The following FAM110B variants were observed in gnomAD, a reference collection of about 807,000 sequenced individuals.
The protein encoded by FAM110B is protein FAM110B.
In FAM110B, 6 loss-of-function variants were observed where a neutral mutation model predicts 20.4. The observed-to-expected ratio is 0.29, with a 90% CI of 0.16 to 0.58. The LOEUF (loss-of-function observed/expected upper bound fraction) is 0.58. FAM110B is among the 20% of genes least tolerant of loss of function. The pLI is 0.90. For missense variants in FAM110B, 434 were observed against 498.2 expected (o/e 0.87, Z 1.23); for synonymous variants, 226 against 214.1 (o/e 1.06, Z -0.49).
intron 3 of FAM110B, among the ~76,000 whole-genome samples, chr8:58,123,758 A>T (rs996547753): frequency 3.9e-5 from 6 of 152,218 alleles, no homozygotes; most frequent in Non-Finnish European, 8.8e-5. Context: ...ATAAATACTC[A>T]TCGAGAAAAA....
chr8:57,997,360 T>C (rs1237603541), intron 1 of FAM110B, among the ~76,000 whole-genome samples: 1 of 152,272 alleles, frequency 6.6e-6, no homozygotes, highest in African/African-American at 2.4e-5. Context: ...TGGCCATTTT[T>C]CTGTCTGAAA....
Position 58,145,726 on chromosome 8 carries a change from C to T in FAM110B, c.-324-181C>T, listed in dbSNP as rs552888507. 8.1e-4 allele frequency among the ~76,000 whole-genome samples: 123 copies of T among 152,368 alleles called. 1 individual carries two copies. The highest frequency in any genetic ancestry group is 1.6e-3 in the Non-Finnish European group (106 of 68,034). On this transcript the variant is annotated intron_variant, in intron 3 of 3. Coordinates refer to ENST00000519262, the MANE Select transcript of FAM110B (RefSeq NM_001377989.1). ...AGCGTTGTGCTGCCGCGCGTCGGCG[C>T]AGGCGGGGGCGCAAGGCCCGGGTCG...
intron 2 of FAM110B, among the ~76,000 whole-genome samples, chr8:58,041,599 G>T (rs910559063): frequency 6.6e-6 from 1 of 152,200 alleles, no homozygotes; most frequent in African/African-American, 2.4e-5. Flanking sequence ...CATAACACAT[G>T]GGGAGTCTTG....
chr8:58,096,675 G>A (rs1806640314), intron 3 of FAM110B, among the ~76,000 whole-genome samples: 1 of 152,204 alleles, frequency 6.6e-6, no homozygotes, highest in African/African-American at 2.4e-5. Flanking sequence ...TGCAGTTGCT[G>A]GTACTGGTTG....
At chr8:58,008,026 C>A (rs1358727427) in intron 1 of FAM110B, among the ~76,000 whole-genome samples, 1 of 151,294 alleles carries the variant, frequency 6.6e-6, no homozygotes, top group Non-Finnish European at 1.5e-5. Context: ...AATATAGCTA[C>A]AAGCAAGGCA....
chr8:58,136,755 A>G (rs996869055), intron 3 of FAM110B, among the ~76,000 whole-genome samples: 5 of 152,096 alleles, frequency 3.3e-5, no homozygotes, highest in Admixed American at 2.6e-4. Flanking sequence ...GAAATGTGAA[A>G]TTTTTTTCTG....
intron 3 of FAM110B, among the ~76,000 whole-genome samples, chr8:58,088,250 C>T (rs1353106766): frequency 6.6e-6 from 1 of 152,130 alleles, no homozygotes; most frequent in African/African-American, 2.4e-5. Context: ...CTCCATTGAA[C>T]TTTATTTTGC....
intron 3 of FAM110B, chr8:58,099,040 A>G (rs1563369598): frequency 6.6e-6 from 1 of 152,128 alleles, no homozygotes; most frequent in African/African-American, 2.4e-5. Context: ...GACAGGATAC[A>G]TTCTTGTTCA....
At chr8:58,040,092 TCCTC>T (rs1217607643) in intron 2 of FAM110B, among the ~76,000 whole-genome samples, 1 of 152,124 alleles carries the variant, frequency 6.6e-6, no homozygotes, top group Non-Finnish European at 1.5e-5. Flanking sequence ...CCTCAGGCGA[TCCTC>T]CCTTCTCTGC....
intron 1 of FAM110B, among the ~76,000 whole-genome samples, chr8:58,006,643 C>A (rs1804409334): frequency 6.6e-6 from 1 of 151,128 alleles, no homozygotes; most frequent in African/African-American, 2.4e-5. Context: ...CACTCTGTCA[C>A]CCAGGCTGGA....
chr8:58,063,589 G>T (rs7835676), intron 2 of FAM110B, among the ~76,000 whole-genome samples: 44,197 of 152,038 alleles, frequency 0.29, 8,490 homozygotes, highest in African/African-American at 0.55. Flanking sequence ...CTGAACTGTT[G>T]CAGTAAGCAT....
chr8:58,054,421 A>G (rs958767150), intron 2 of FAM110B, among the ~76,000 whole-genome samples: 1 of 152,234 alleles, frequency 6.6e-6, no homozygotes, highest in Non-Finnish European at 1.5e-5. Context: ...AAAATCAAGC[A>G]GAATATTTCT....
At chr8:58,023,002 T>C (rs1804787241) in intron 1 of FAM110B, among the ~76,000 whole-genome samples, 1 of 152,174 alleles carries the variant, frequency 6.6e-6, no homozygotes, top group Non-Finnish European at 1.5e-5. Context: ...GAATATATTG[T>C]GGAGACTAAT....
At chr8:58,121,328 T>C (rs1375633997) in intron 3 of FAM110B, among the ~76,000 whole-genome samples, 1 of 152,204 alleles carries the variant, frequency 6.6e-6, no homozygotes, top group African/African-American at 2.4e-5. Context: ...AGAAGTCTAG[T>C]AGAGCTCATG....
intron 3 of FAM110B, among the ~76,000 whole-genome samples, chr8:58,115,128 G>A (rs760798675): frequency 4.4e-4 from 66 of 151,488 alleles, no homozygotes; most frequent in Non-Finnish European, 7.8e-4. Context: ...ATTGCTCATC[G>A]GCTTGTACCC....
At chr8:58,055,418 G>A (rs1418454951) in intron 2 of FAM110B, among the ~76,000 whole-genome samples, 2 of 152,064 alleles carry the variant, frequency 1.3e-5, no homozygotes, top group African/African-American at 4.8e-5. Context: ...TCTATTTGGG[G>A]TTATTTTCCT....
At chr8:58,085,131 A>G (rs912311484) in intron 3 of FAM110B, among the ~76,000 whole-genome samples, 3 of 152,364 alleles carry the variant, frequency 2.0e-5, no homozygotes, top group Non-Finnish European at 2.9e-5. Context: ...GTGATTCAGC[A>G]TTCCATGCTG....
intron 3 of FAM110B, among the ~76,000 whole-genome samples, chr8:58,140,909 T>C (rs1035251434): frequency 5.3e-5 from 8 of 152,372 alleles, no homozygotes; most frequent in Admixed American, 4.6e-4. Context: ...ATTTACCAAA[T>C]GCATTTTGAA....
intron 1 of FAM110B, among the ~76,000 whole-genome samples, chr8:58,022,772 T>C (rs1329757604): frequency 2.0e-5 from 3 of 152,194 alleles, no homozygotes; most frequent in African/African-American, 7.2e-5. Flanking sequence ...TTCTTTGGCC[T>C]GAAATCATTG....
Sources: gnomAD v4.1 joint callset for allele counts (sites outside exome capture counted in the v4.1 genomes callset) on GRCh38, gnomAD v4.1.1 for gene constraint, MANE v1.5 for transcripts, NCBI Gene and HGNC (gene_info 2026-07-23, HGNC 2026-07-21) for gene names.